Variants in CNTN5 observed in about 807,000 individuals in gnomAD.
CNTN5 encodes contactin-5.
Under a neutral mutation model 129.1 loss-of-function variants are expected in CNTN5, and 77 were observed. The observed-to-expected ratio is 0.60, with a 90% confidence interval of 0.50 to 0.72. The LOEUF is 0.72. Among genes scored for constraint, CNTN5 ranks in the 30% least tolerant of loss-of-function variants. CNTN5 has a pLI of 0.00. For synonymous variants in CNTN5, 509 were observed against 465.6 expected (o/e 1.09, Z -1.20); for missense variants, 1,478 against 1,328.8 (o/e 1.11, Z -1.75).
chr11:99,940,880 C>T (rs1288772249), intron 7 of CNTN5, among the ~76,000 whole-genome samples: 3 of 150,948 alleles, frequency 2.0e-5, no homozygotes, highest in Admixed American at 6.6e-5. Flanking sequence ...TAATGCAAAA[C>T]TGTACAAGGA....
chr11:99,766,921 G>A (rs2135310890), intron 3 of CNTN5, among the ~76,000 whole-genome samples: 1 of 152,134 alleles, frequency 6.6e-6, no homozygotes, highest in South Asian at 2.1e-4. Flanking sequence ...AAGACAGGTT[G>A]TGTTTTGGCA....
chr11:99,321,198 T>C (rs1304338060), intron 1 of CNTN5, among the ~76,000 whole-genome samples: 5 of 66,192 alleles, frequency 7.6e-5, no homozygotes, highest in Admixed American at 2.5e-4. Flanking sequence ...CTAATTCCAA[T>C]TGCATACACA....
At chr11:99,375,302 CAAAAAAAAAAAAAA>C (rs397848951) in intron 2 of CNTN5, among the ~76,000 whole-genome samples, 7 of 53,570 alleles carry the variant, frequency 1.3e-4, no homozygotes, top group African/African-American at 6.2e-4. Flanking sequence ...GAGTCTGTCT[CAAAAAAAAAAAAAA>C]AAAAAAAAAA....
At chr11:99,242,059 T>A (rs912515678) in intron 1 of CNTN5, among the ~76,000 whole-genome samples, 2 of 152,192 alleles carry the variant, frequency 1.3e-5, no homozygotes, top group East Asian at 3.9e-4. Context: ...GTAAATGCCA[T>A]TTTATTATGG....
intron 9 of CNTN5, among the ~76,000 whole-genome samples, chr11:100,029,399 G>T (rs939392629): frequency 1.1e-4 from 16 of 151,776 alleles, no homozygotes; most frequent in Admixed American, 1.3e-4. Flanking sequence ...TGGCTAAGAC[G>T]GTGAAACCCC....
intron 15 of CNTN5, among the ~76,000 whole-genome samples, chr11:100,222,796 G>C (rs1330780405): frequency 6.6e-6 from 1 of 151,930 alleles, no homozygotes; most frequent in Non-Finnish European, 1.5e-5. Flanking sequence ...GTCCTATTCT[G>C]GGCCTGTAGT....
At chr11:99,503,353 G>A (rs569399761) in intron 2 of CNTN5, among the ~76,000 whole-genome samples, 5 of 152,266 alleles carry the variant, frequency 3.3e-5, no homozygotes, top group East Asian at 1.9e-4. Context: ...AATAAAGTTT[G>A]TTCCCAAGAA....
At chr11:99,076,703 T>TA (rs111366494) in intron 1 of CNTN5, among the ~76,000 whole-genome samples, 60 of 151,472 alleles carry the variant, frequency 4.0e-4, no homozygotes, top group East Asian at 3.3e-3. Context: ...CATGATTTGT[T>TA]AAAAAAAAAG....
At chr11:100,220,949 A>G (rs1174994997) in intron 15 of CNTN5, among the ~76,000 whole-genome samples, 37 of 152,226 alleles carry the variant, frequency 2.4e-4, no homozygotes, top group Admixed American at 2.3e-3. Flanking sequence ...GCAAGCCTTC[A>G]TGCATTCATC....
rs1409462764 is a variant in CNTN5, at chr11:99,937,827, C to G, written c.674-18979C>G. Among the ~76,000 whole-genome samples, 5 of 152,112 alleles carry G rather than the reference C, an allele frequency of 3.3e-5. No individual in the cohort carries two copies. The East Asian group carries it at 9.7e-4, about 29-fold the overall frequency. ...AGTCCTAAATGTTACAGTGCTTCAGCCTGAGGTTTAACTGATAGAATGCCT... is the reference window on the plus strand; with the variant it reads ...AGTCCTAAATGTTACAGTGCTTCAGGCTGAGGTTTAACTGATAGAATGCCT... On this transcript the variant is annotated intron_variant, in intron 7 of 24. Coordinates refer to ENST00000524871, the MANE Select transcript of CNTN5 (RefSeq NM_014361.4).
chr11:99,388,094 C>T (rs1941023427), intron 2 of CNTN5, among the ~76,000 whole-genome samples: 1 of 151,964 alleles, frequency 6.6e-6, no homozygotes, highest in Non-Finnish European at 1.5e-5. Flanking sequence ...CTTTTATTCC[C>T]TCTGCAGACT....
At chr11:99,094,480 T>C (rs1851557410) in intron 1 of CNTN5, among the ~76,000 whole-genome samples, 1 of 152,002 alleles carries the variant, frequency 6.6e-6, no homozygotes, top group Non-Finnish European at 1.5e-5. Context: ...CATCTGACCA[T>C]TTTTAGGTAG....
chr11:100,324,575 T>C (rs930320645), intron 21 of CNTN5, among the ~76,000 whole-genome samples: 1 of 152,176 alleles, frequency 6.6e-6, no homozygotes. Flanking sequence ...GAATTTTTTC[T>C]ATTCAATATT....
chr11:100,101,553 C>A (rs1428574155), intron 13 of CNTN5, among the ~76,000 whole-genome samples: 10 of 151,994 alleles, frequency 6.6e-5, no homozygotes. Flanking sequence ...ACTCTAAACT[C>A]CTAAGAAATT....
intron 2 of CNTN5, among the ~76,000 whole-genome samples, chr11:99,474,905 C>G (rs1424287556): frequency 6.6e-6 from 1 of 152,126 alleles, no homozygotes; most frequent in Non-Finnish European, 1.5e-5. Flanking sequence ...AGTTTTTTCT[C>G]TTAGATGTCT....
intron 3 of CNTN5, among the ~76,000 whole-genome samples, chr11:99,579,722 G>A (rs1419734291): frequency 2.1e-5 from 3 of 145,162 alleles, no homozygotes; most frequent in African/African-American, 5.3e-5. Context: ...AGCTTAAGGA[G>A]ATTTTGGGCT....
At chr11:99,701,399 G>C (rs191952371) in intron 3 of CNTN5, among the ~76,000 whole-genome samples, 214 of 151,286 alleles carry the variant, frequency 1.4e-3, no homozygotes, top group African/African-American at 5.0e-3. Flanking sequence ...ATAGGTAATA[G>C]AATACAAGCT....
intron 6 of CNTN5, among the ~76,000 whole-genome samples, chr11:99,868,035 A>G (rs1948401330): frequency 6.6e-6 from 1 of 151,968 alleles, no homozygotes; most frequent in African/African-American, 2.4e-5. Context: ...ACCAACATGG[A>G]GAAACCCTGT....
intron 2 of CNTN5, among the ~76,000 whole-genome samples, chr11:99,521,533 T>C (rs1947276119): frequency 6.6e-6 from 1 of 152,206 alleles, no homozygotes; most frequent in Non-Finnish European, 1.5e-5. Flanking sequence ...CAAATTTCAA[T>C]TGATGAATAA....
Sources: allele counts gnomAD v4.1 joint callset (sites outside exome capture counted in the v4.1 genomes callset), GRCh38; gene constraint gnomAD v4.1.1; transcripts MANE v1.5; gene names NCBI Gene and HGNC (gene_info 2026-07-23, HGNC 2026-07-21).